LPAR6: variants seen among roughly 807,000 people sequenced by gnomAD.
The protein encoded by LPAR6 is G-protein coupled purinergic receptor P2Y5.
Under a neutral mutation model 22.0 loss-of-function variants are expected in LPAR6, and 17 were observed. That is an observed-to-expected ratio of 0.77 (90% CI 0.53 to 1.16). The LOEUF is 1.16. LPAR6 is among the 50% of genes most tolerant of loss of function. LPAR6 has a pLI of 0.00. For missense variants in LPAR6, 384 were observed against 406.9 expected (o/e 0.94, Z 0.48); for synonymous variants, 136 against 139.8 (o/e 0.97, Z 0.19).
downstream of LPAR6, chr13:48,408,896 C>T (rs1948763559): frequency 6.6e-6 from 1 of 152,070 alleles, no homozygotes; most frequent in Admixed American, 6.5e-5. Context: ...GATCTTTAAG[C>T]TGAGGAGAGT....
chr13:48,395,214 G>A (rs1054607930), intron 1 of LPAR6, among the ~76,000 whole-genome samples: 25 of 152,114 alleles, frequency 1.6e-4, no homozygotes, highest in Non-Finnish European at 3.1e-4. Context: ...TCAACAAAAA[G>A]GACGTCCACA....
At chr13:48,425,871 C>G (rs1453443249) in intron 1 of LPAR6, among the ~76,000 whole-genome samples, 1 of 152,168 alleles carries the variant, frequency 6.6e-6, no homozygotes, top group African/African-American at 2.4e-5. Flanking sequence ...TTCAATTTTA[C>G]AGACCAAGAA....
upstream of LPAR6, among the ~76,000 whole-genome samples, chr13:48,431,531 A>G (rs1260386470): frequency 6.6e-6 from 1 of 152,220 alleles, no homozygotes. Flanking sequence ...GCCACTAGTC[A>G]TCTATTCCCA....
chr13:48,441,884 T>C (rs1949240469), intron 1 of LPAR6, among the ~76,000 whole-genome samples: 1 of 152,198 alleles, frequency 6.6e-6, no homozygotes, highest in Non-Finnish European at 1.5e-5. Flanking sequence ...CATTTAATTA[T>C]AGGACCTATT....
chr13:48,396,442 A>G lies in LPAR6; in HGVS notation n.115-6630T>C, dbSNP rs181848311. Among the ~76,000 whole-genome samples the G allele has an allele frequency of 3.2e-3, 495 of 152,324 alleles. 1 individual carries two copies. Among genetic ancestry groups the G allele is most frequent in the Admixed American group, 5.2e-3 (79 of 15,304 alleles). ...ATGATATTGGGAAAACTGACTAGCC[A>G]TATGCAGAAAACTGAAACTGGACCC... is the stretch of plus-strand genomic sequence containing the variant. On this transcript the variant is annotated intron_variant and non_coding_transcript_variant, in intron 1 of 1. Coordinates refer to the LPAR6 transcript ENST00000462781.
downstream of LPAR6, among the ~76,000 whole-genome samples, chr13:48,407,776 G>A (rs76873867): frequency 0.052 from 7,841 of 152,104 alleles, 674 homozygotes; most frequent in African/African-American, 0.17. Context: ...TAAAAAGTTT[G>A]TTTTTGGAGT....
At chr13:48,395,093 A>AT (rs55713803) in intron 1 of LPAR6, among the ~76,000 whole-genome samples, 139,732 of 152,170 alleles carry the variant, frequency 0.92, 64,923 homozygotes, top group East Asian at 1. Context: ...CACTGGTGAT[A>AT]CCAGGCAAAC....
chr13:48,417,199 C>T (rs1163941350), upstream of LPAR6: 2 of 152,822 alleles, frequency 1.3e-5, no homozygotes, highest in Middle Eastern at 3.1e-3. Context: ...CTGGTGGGTG[C>T]CCCTCTGGGA....
At chr13:48,435,589 A>ACTTTTTCCTT (rs1470210061) in intron 1 of LPAR6, among the ~76,000 whole-genome samples, 2 of 152,114 alleles carry the variant, frequency 1.3e-5, no homozygotes, top group African/African-American at 4.8e-5. Context: ...CCAGTTTATC[A>ACTTTTTCCTT]CTTTTTCCTT....
chr13:48,405,526 C>T (rs2138187426), intron 1 of LPAR6, among the ~76,000 whole-genome samples: 1 of 152,212 alleles, frequency 6.6e-6, no homozygotes, highest in South Asian at 2.1e-4. Context: ...GCCCACAGAC[C>T]ATAAATTTTG....
At chr13:48,425,245 G>A (rs1240069597) in intron 1 of LPAR6, among the ~76,000 whole-genome samples, 1 of 152,176 alleles carries the variant, frequency 6.6e-6, no homozygotes, top group Non-Finnish European at 1.5e-5. Context: ...GAAGGCTAGA[G>A]CCATTCCTGG....
At chr13:48,398,334 A>G (rs1948664290) in intron 1 of LPAR6, among the ~76,000 whole-genome samples, 1 of 152,162 alleles carries the variant, frequency 6.6e-6, no homozygotes, top group African/African-American at 2.4e-5. Flanking sequence ...ACAGCTAAAT[A>G]CTAGTTTCTC....
chr13:48,404,009 A>G (rs198609), intron 1 of LPAR6, among the ~76,000 whole-genome samples: 118,792 of 151,982 alleles, frequency 0.78, 52,180 homozygotes, highest in Non-Finnish European at 0.97. Context: ...TCAAAGAAAA[A>G]CGAAAAAAAA....
At position 48,412,563 on chromosome 13, in the gene LPAR6, T is replaced by G; in HGVS notation, c.-140A>C. On this transcript the variant is annotated 5_prime_UTR_variant, in exon 1 of 1. Transcript: ENST00000620633. ...TTGGATGGTTTTATAAATATTTCCT[T>G]TTTCTCAGAAATACCCAAAAGAAAC... 1 of 682,838 alleles carries G rather than the reference T, an allele frequency of 1.5e-6. No individual in the cohort carries two copies. Among genetic ancestry groups the G allele is most frequent in the Non-Finnish European group, 2.7e-6 (1 of 376,626 alleles). 42.3% of individuals were successfully genotyped at this position (682,838 alleles called of 1,614,324 possible).
At chr13:48,421,486 G>A (rs960636587) in intron 2 of LPAR6, among the ~76,000 whole-genome samples, 4 of 152,136 alleles carry the variant, frequency 2.6e-5, no homozygotes, top group African/African-American at 9.7e-5. Flanking sequence ...AACACCAAAA[G>A]CAATGGTAAC....
intron 1 of LPAR6, among the ~76,000 whole-genome samples, chr13:48,397,801 G>A (rs1043959970): frequency 6.6e-6 from 1 of 152,008 alleles, no homozygotes; most frequent in Non-Finnish European, 1.5e-5. Context: ...AGCTTTTTTG[G>A]TATTCTTTTG....
chr13:48,424,784 G>A (rs1257213722), intron 1 of LPAR6, among the ~76,000 whole-genome samples: 3 of 152,172 alleles, frequency 2.0e-5, no homozygotes, highest in African/African-American at 7.2e-5. Context: ...CATGTGTGGT[G>A]GCTCATGCAT....
chr13:48,421,303 T>C (rs1413382654), intron 2 of LPAR6, among the ~76,000 whole-genome samples: 1 of 152,150 alleles, frequency 6.6e-6, no homozygotes, highest in Non-Finnish European at 1.5e-5. Flanking sequence ...TTGGGAAAAC[T>C]GGCTAGCCAT....
chr13:48,398,007 A>C (rs1365836543), intron 1 of LPAR6, among the ~76,000 whole-genome samples: 1 of 152,212 alleles, frequency 6.6e-6, no homozygotes, highest in African/African-American at 2.4e-5. Flanking sequence ...CAACTCAGGA[A>C]GGCAAGTGAA....
Sources: allele counts gnomAD v4.1 joint callset (sites outside exome capture counted in the v4.1 genomes callset), GRCh38; gene constraint gnomAD v4.1.1; transcripts MANE v1.5; gene names NCBI Gene and HGNC (gene_info 2026-07-23, HGNC 2026-07-21).